Variants in NRXN1 observed in about 807,000 individuals in gnomAD.
NRXN1 encodes neurexin 1.
A neutral mutation model predicts 150.9 loss-of-function variants in NRXN1; 39 were observed. The ratio of observed to expected loss-of-function variants is 0.26; its 90% CI spans 0.20 to 0.34. NRXN1 has a LOEUF of 0.34. Ranked by LOEUF, NRXN1 falls within the 10% of genes least tolerant of loss-of-function variation. The pLI is 1.00. For missense variants in NRXN1, 1,815 were observed against 1,949.9 expected (o/e 0.93, Z 1.30); for synonymous variants, 924 against 757.0 (o/e 1.22, Z -3.62).
At chr2:50,707,065 G>A (rs1694542510) in intron 5 of NRXN1, among the ~76,000 whole-genome samples, 1 of 152,152 alleles carries the variant, frequency 6.6e-6, no homozygotes, top group Non-Finnish European at 1.5e-5. Context: ...AATGATTCTG[G>A]TCATACATTT....
At chr2:50,522,720 A>ATTTT (rs869200431) in intron 12 of NRXN1, among the ~76,000 whole-genome samples, 16 of 47,752 alleles carry the variant, frequency 3.4e-4, no homozygotes, top group East Asian at 1.5e-3. Context: ...ATTTTTATTC[A>ATTTT]TTTTTTTTTT....
chr2:50,508,946 T>G (rs1374143804), intron 12 of NRXN1, among the ~76,000 whole-genome samples: 1 of 152,190 alleles, frequency 6.6e-6, no homozygotes, highest in Non-Finnish European at 1.5e-5. Context: ...GAAAGTGCAC[T>G]AGACTGGGAG....
intron 5 of NRXN1, among the ~76,000 whole-genome samples, chr2:50,823,514 A>G (rs2105840097): frequency 6.6e-6 from 1 of 152,298 alleles, no homozygotes; most frequent in South Asian, 2.1e-4. Flanking sequence ...GGCAACATCA[A>G]CATTCACATT....
intron 5 of NRXN1, among the ~76,000 whole-genome samples, chr2:50,803,614 A>C (rs149970558): frequency 4.7e-4 from 72 of 152,304 alleles, no homozygotes; most frequent in Non-Finnish European, 9.4e-4. Flanking sequence ...AGAAAAAATA[A>C]ATTTCTGGAA....
chr2:50,105,885 A>T (rs994997671), intron 18 of NRXN1, among the ~76,000 whole-genome samples: 1 of 151,772 alleles, frequency 6.6e-6, no homozygotes. Context: ...AACCATATAA[A>T]CCACCATTAA....
chr2:50,543,116 A>G (rs1024010437), intron 9 of NRXN1, among the ~76,000 whole-genome samples: 3 of 152,162 alleles, frequency 2.0e-5, no homozygotes, highest in Non-Finnish European at 4.4e-5. Context: ...CATTTTTAAG[A>G]GAAAACAAAA....
chr2:50,340,621 A>G (rs1053148291), intron 17 of NRXN1, among the ~76,000 whole-genome samples: 1 of 152,174 alleles, frequency 6.6e-6, no homozygotes, highest in Non-Finnish European at 1.5e-5. Context: ...GTCCCTGGGA[A>G]AAGACAACAA....
intron 5 of NRXN1, among the ~76,000 whole-genome samples, chr2:50,772,430 A>G (rs903051924): frequency 2.6e-5 from 4 of 152,046 alleles, no homozygotes; most frequent in Non-Finnish European, 4.4e-5. Context: ...TTCTTAAAAA[A>G]AAATCAAACA....
intron 18 of NRXN1, among the ~76,000 whole-genome samples, chr2:50,113,402 T>C (rs1413546808): frequency 6.6e-6 from 1 of 152,202 alleles, no homozygotes; most frequent in East Asian, 1.9e-4. Flanking sequence ...CCTTAATACA[T>C]ACTAGACACT....
At chr2:50,682,722 A>C (rs1690588404) in intron 5 of NRXN1, among the ~76,000 whole-genome samples, 2 of 152,128 alleles carry the variant, frequency 1.3e-5, no homozygotes, top group South Asian at 4.1e-4. Flanking sequence ...GATATTTCCA[A>C]GGGCCTAGCA....
intron 21 of NRXN1, among the ~76,000 whole-genome samples, chr2:50,047,066 A>G (rs1691919852): frequency 6.6e-6 from 1 of 152,116 alleles, no homozygotes; most frequent in South Asian, 2.1e-4. Context: ...CTGTATTTGC[A>G]TTTTCAAAAG....
At chr2:50,711,716 G>A (rs577388256) in intron 5 of NRXN1, among the ~76,000 whole-genome samples, 2 of 152,116 alleles carry the variant, frequency 1.3e-5, no homozygotes, top group East Asian at 3.9e-4. Context: ...ACTTAACCCC[G>A]AATGCAACAG....
chr2:50,086,762 C>A (rs1310318452), intron 19 of NRXN1, among the ~76,000 whole-genome samples: 1 of 149,408 alleles, frequency 6.7e-6, no homozygotes, highest in Admixed American at 6.7e-5. Flanking sequence ...CACACAGCAG[C>A]ATTAGAACAT....
intron 18 of NRXN1, among the ~76,000 whole-genome samples, chr2:50,217,221 T>C (rs2063463007): frequency 6.6e-6 from 1 of 152,094 alleles, no homozygotes; most frequent in African/African-American, 2.4e-5. Context: ...AAAATAAATA[T>C]GTTTTACATA....
At chr2:49,996,218 C>T (rs933373355) in intron 21 of NRXN1, among the ~76,000 whole-genome samples, 1 of 152,074 alleles carries the variant, frequency 6.6e-6, no homozygotes, top group East Asian at 1.9e-4. Flanking sequence ...AAAATTAATT[C>T]TTACAGGGAG....
intron 21 of NRXN1, among the ~76,000 whole-genome samples, chr2:49,967,678 A>G (rs1006947855): frequency 6.6e-6 from 1 of 152,116 alleles, no homozygotes; most frequent in Non-Finnish European, 1.5e-5. Context: ...TGCTAGGTAG[A>G]GTGAAATAGG....
intron 13 of NRXN1, 127 bp downstream of exon 13, chr2:50,506,368 T>A: frequency 3.9e-6 from 3 of 772,758 alleles, no homozygotes; most frequent in Non-Finnish European, 5.6e-6. Context: ...TAGAAAAAAA[T>A]AGAATAAAAA....
At chr2:50,767,849 C>G (rs968110729) in intron 5 of NRXN1, among the ~76,000 whole-genome samples, 3 of 151,888 alleles carry the variant, frequency 2.0e-5, no homozygotes, top group Non-Finnish European at 4.4e-5. Context: ...TTTAAGTAAT[C>G]CTAATTAAGG....
chr2:50,908,385 A>ACACACACAC (rs57664318), intron 5 of NRXN1, among the ~76,000 whole-genome samples: 5 of 150,136 alleles, frequency 3.3e-5, no homozygotes, highest in Non-Finnish European at 6.0e-5. Context: ...ACACACACAC[A>ACACACACAC]ACCACACCCC....
Sources: allele counts gnomAD v4.1 joint callset (sites outside exome capture counted in the v4.1 genomes callset), GRCh38; gene constraint gnomAD v4.1.1; transcripts MANE v1.5; gene names NCBI Gene and HGNC (gene_info 2026-07-23, HGNC 2026-07-21).